USP26: variants seen among roughly 807,000 people sequenced by gnomAD.
USP26 encodes the protein ubiquitin specific peptidase 26.
For synonymous variants in USP26, 236 were observed against 240.6 expected, an observed-to-expected ratio of 0.98 and a Z score of 0.18; for missense variants, 649 against 642.3, an observed-to-expected ratio of 1.01 and a Z score of -0.11.
intron 5 of USP26, among the ~76,000 whole-genome samples, chrX:133,073,529 C>T (rs767005496): frequency 5.4e-5 from 6 of 110,370 alleles, no homozygotes; most frequent in African/African-American, 9.9e-5. Flanking sequence ...TCAAAGGTAG[C>T]GCTTACTACT....
intron 4 of USP26, among the ~76,000 whole-genome samples, chrX:133,085,542 T>G (rs1487081727): frequency 2.7e-5 from 3 of 111,984 alleles, no homozygotes; most frequent in Admixed American, 9.5e-5. Context: ...TACAAGGTCT[T>G]TTCACCACTC....
intron 4 of USP26, among the ~76,000 whole-genome samples, chrX:133,089,648 T>C (rs778410719): frequency 8.9e-6 from 1 of 112,347 alleles, no homozygotes; most frequent in South Asian, 3.7e-4. Context: ...AAGCACTGTA[T>C]GTCCTCCCTC....
chrX:133,061,977 C>T (rs780957778), intron 5 of USP26, among the ~76,000 whole-genome samples: 125 of 111,543 alleles, frequency 1.1e-3, no homozygotes, highest in Non-Finnish European at 2.0e-3. Context: ...TCAGCAGGTC[C>T]CACTCCCATG....
chrX:133,033,074 G>A (rs1325323681), intron 5 of USP26, among the ~76,000 whole-genome samples: 1 of 111,461 alleles, frequency 9.0e-6, no homozygotes, highest in Admixed American at 9.6e-5. Context: ...TCAGATGCAG[G>A]GAGTCGGGGA....
intron 5 of USP26, among the ~76,000 whole-genome samples, chrX:133,054,504 C>G (rs778097135): frequency 9.0e-6 from 1 of 111,646 alleles, no homozygotes; most frequent in South Asian, 3.8e-4. Flanking sequence ...CTCTCAGAGA[C>G]CTTTATAGGA....
intron 1 of USP26, among the ~76,000 whole-genome samples, chrX:133,096,519 G>C (rs375271312): frequency 9.0e-6 from 1 of 111,522 alleles, no homozygotes; most frequent in Admixed American, 9.6e-5. Flanking sequence ...AAACAACATC[G>C]CAGCAGCTAA....
At chrX:133,057,042 C>T (rs781624983) in intron 5 of USP26, among the ~76,000 whole-genome samples, 17 of 111,396 alleles carry the variant, frequency 1.5e-4, no homozygotes, top group Admixed American at 8.6e-4. Context: ...TATGCTTCAG[C>T]AAACTCCTGA....
intron 5 of USP26, among the ~76,000 whole-genome samples, chrX:133,068,547 A>C (rs1194574395): frequency 8.8e-6 from 1 of 113,029 alleles, no homozygotes; most frequent in Non-Finnish European, 1.9e-5. Context: ...CCCTTCTCTC[A>C]ATCTTGCTTT....
rs2067348456 is a variant in USP26, at chrX:133,026,315, T to G, written c.1906A>C (p.Asn636His). ...CCTGAGTATACAGATTCTAGCTCAT[T>G]TGGTTTAGAATTTTTTCCAAGGTAC... ...QKYLGKNSKP[N>H]ELESVYSGDR... is the part of the protein sequence containing the mutation. Residue 636 changes from asparagine to histidine, a missense_variant, in exon 6 of 6, where the codon AAT (asparagine) becomes CAT (histidine). Physicochemically the swap from Asn to His is moderately conservative, Grantham distance 68. Coordinates refer to ENST00000511190, the MANE Select transcript of USP26 (RefSeq NM_031907.3). 2 of 1,206,867 alleles carry G rather than the reference T, an allele frequency of 1.7e-6. No homozygotes were observed. Among genetic ancestry groups the G allele is most frequent in the African/African-American group, 1.8e-5 (1 of 56,705 alleles).
At chrX:133,096,490 T>A (rs951219866) in intron 1 of USP26, among the ~76,000 whole-genome samples, 2 of 111,689 alleles carry the variant, frequency 1.8e-5, no homozygotes, top group African/African-American at 6.5e-5. Flanking sequence ...AATATTACAT[T>A]TTTAAAAGAA....
chrX:133,042,791 G>A (rs1200928223), intron 5 of USP26, among the ~76,000 whole-genome samples: 1 of 112,007 alleles, frequency 8.9e-6, no homozygotes, highest in Non-Finnish European at 1.9e-5. Flanking sequence ...CAGTATCAGT[G>A]CCTGTCACTG....
rs745761273 is a variant in USP26 at position 133,028,096 on chromosome X, A to G, written c.125T>C (p.Phe42Ser). 5 of 1,209,770 alleles carry G rather than the reference A, an allele frequency of 4.1e-6. No individual in the cohort carries two copies. The East Asian group carries it at 1.5e-4, about 36-fold the overall frequency. Residue 42 changes from phenylalanine to serine, a missense_variant, in exon 6 of 6, where the codon TTC (phenylalanine) becomes TCC (serine). Physicochemically the swap from Phe to Ser is radical, Grantham distance 155. Transcript: ENST00000511190. ...RKKKDRLVLY[F>S]KSGKYSTFRL... ...AAAAGTGCTATATTTTCCACTTTTG[A>G]AATACAGCACCAGTCTATCTTTCTT...
intron 5 of USP26, among the ~76,000 whole-genome samples, chrX:133,076,670 T>C (rs911797969): frequency 8.9e-6 from 1 of 112,119 alleles, no homozygotes; most frequent in Middle Eastern, 4.6e-3. Flanking sequence ...CTAGCTGCCA[T>C]GTTGGGAGCT....
At chrX:133,057,599 G>A (rs1001262477) in intron 5 of USP26, among the ~76,000 whole-genome samples, 16 of 108,257 alleles carry the variant, frequency 1.5e-4, no homozygotes, top group African/African-American at 4.7e-4. Flanking sequence ...TTCTTTTCTA[G>A]TATACGTATT....
chrX:133,027,164 T>C lies in USP26; in HGVS notation c.1057A>G (p.Asn353Asp). The C allele has an allele frequency of 2.5e-6, 3 of 1,210,417 alleles. No homozygotes were observed. Among genetic ancestry groups the C allele is most frequent in the Non-Finnish European group, 3.4e-6 (3 of 894,881 alleles). The change falls in exon 6 of 6, where the codon AAT (asparagine) becomes GAT (aspartate). Residue 353 changes from asparagine (N) to aspartate (D), a missense_variant. Coordinates refer to ENST00000511190, the MANE Select transcript of USP26 (RefSeq NM_031907.3). ...ARLLFFKDTYNIEIKEMLLLN... is the reference protein window; with the variant it reads ...ARLLFFKDTYDIEIKEMLLLN... ...AGTAACATCTCCTTGATTTCTATAT[T>C]ATAGGTATCTTTAAAAAAAAGTAGC...
At chrX:133,084,547 C>CCTGT (rs1450311702) in intron 4 of USP26, among the ~76,000 whole-genome samples, 2 of 97,322 alleles carry the variant, frequency 2.1e-5, no homozygotes, top group Admixed American at 2.2e-4. Flanking sequence ...GGAACCTCAC[C>CCTGT]CTGTCGCCCA....
At chrX:133,084,722 TC>T (rs1160147889) in intron 4 of USP26, among the ~76,000 whole-genome samples, 2 of 110,278 alleles carry the variant, frequency 1.8e-5, no homozygotes, top group African/African-American at 6.6e-5. Context: ...TGTGTAAGTG[TC>T]TTTTGTCCCC....
intron 5 of USP26, among the ~76,000 whole-genome samples, chrX:133,043,907 A>G (rs1258530785): frequency 8.9e-6 from 1 of 111,772 alleles, no homozygotes; most frequent in Admixed American, 9.5e-5. Context: ...AAAACAAAAC[A>G]AAAAACTTCC....
At chrX:133,089,642 A>AC (rs1368652798) in intron 4 of USP26, among the ~76,000 whole-genome samples, 1 of 112,242 alleles carries the variant, frequency 8.9e-6, no homozygotes, top group East Asian at 2.8e-4. Context: ...TAAACCAAGC[A>AC]CTGTATGTCC....
Sources: gnomAD v4.1 joint callset for allele counts (sites outside exome capture counted in the v4.1 genomes callset) on GRCh38, gnomAD v4.1.1 for gene constraint, MANE v1.5 for transcripts, NCBI Gene and HGNC (gene_info 2026-07-23, HGNC 2026-07-21) for gene names.